The following PCDHGA2 variants were observed in gnomAD, a reference collection of about 807,000 sequenced individuals.
The protein encoded by PCDHGA2 is protocadherin gamma-A2.
A neutral mutation model predicts 59.2 loss-of-function variants in PCDHGA2; 40 were observed. The observed-to-expected ratio is 0.68, with a 90% CI of 0.52 to 0.88. The LOEUF is 0.88. Among genes scored for constraint, PCDHGA2 ranks in the 40% least tolerant of loss-of-function variants. PCDHGA2 has a pLI of 0.00. For missense variants in PCDHGA2, 1,226 were observed against 1,204.0 expected, an observed-to-expected ratio of 1.02 and a Z score of -0.27; for synonymous variants, 560 against 526.0, an observed-to-expected ratio of 1.06 and a Z score of -0.89.
In PCDHGA2 at chr5:141,476,516, G is replaced by T. The variant is rs1042414523; in HGVS notation, c.2425-18291G>T. 1 of 1,614,016 alleles carries T rather than the reference G, an allele frequency of 6.2e-7. No individual in the cohort carries two copies. The highest frequency in any genetic ancestry group is 8.5e-7 in the Non-Finnish European group (1 of 1,180,022). ...CCAGGACATCAACGACAACAATCCT[G>T]CTTTCCCTACCCAGGAAATGAAATT... On this transcript the variant is annotated intron_variant, in intron 1 of 3. Transcript: ENST00000394576. The surrounding 1 kb of genome is among the most constrained non-coding windows in gnomAD (Gnocchi z 7.6).
At chr5:141,421,370 A>G (rs765775416) in intron 1 of PCDHGA2, 4 of 1,613,916 alleles carry the variant, frequency 2.5e-6, no homozygotes, top group African/African-American at 1.3e-5. Flanking sequence ...TTCGTGGGCA[A>G]TATCTCCAAG....
intron 1 of PCDHGA2, chr5:141,350,032 T>C (rs556482258): frequency 2.8e-4 from 106 of 380,106 alleles, no homozygotes; most frequent in African/African-American, 2.0e-3. Flanking sequence ...CAAGACAACC[T>C]CTGGGCGCCG....
rs375228847 is a variant in PCDHGA2, at chr5:141,431,219, C to G, written c.2425-63588C>G. ...TGCAGCCACTGAGATGCGGTTCCCTCTACCCCACGCCTGGGATCCGGATAT... is the reference window on the plus strand; with the variant it reads ...TGCAGCCACTGAGATGCGGTTCCCTGTACCCCACGCCTGGGATCCGGATAT... On this transcript the variant is annotated intron_variant, in intron 1 of 3. Coordinates refer to ENST00000394576, the MANE Select transcript of PCDHGA2 (RefSeq NM_018915.4). This position sits in a 1 kb window ranked among gnomAD's most constrained non-coding sequence, Gnocchi z 4.8. 2.5e-6 allele frequency: 4 copies of G among 1,614,180 alleles called. No individual in the cohort carries two copies. The highest frequency in any genetic ancestry group is 1.6e-4 in the Middle Eastern group (1 of 6,062).
intron 1 of PCDHGA2, among the ~76,000 whole-genome samples, chr5:141,430,360 T>C (rs570966246): frequency 1.8e-4 from 27 of 151,522 alleles, no homozygotes; most frequent in Middle Eastern, 3.4e-3. Flanking sequence ...TAAAAGCTCA[T>C]TGGGGAAAAA....
intron 1 of PCDHGA2, among the ~76,000 whole-genome samples, chr5:141,437,036 G>A (rs916860661): frequency 6.6e-6 from 1 of 152,294 alleles, no homozygotes; most frequent in Middle Eastern, 3.4e-3. Flanking sequence ...ATGGATCACC[G>A]AAACCAGAAG....
In PCDHGA2 at chr5:141,512,237, G is replaced by A. The variant is rs2099884134; in HGVS notation, c.*1064G>A. ...AGGACCAGGTCCCCTTGAGAGGTCA[G>A]AGGGGCCTCTGTGGGTGCTGGGTAC... On this transcript the variant is annotated 3_prime_UTR_variant, in exon 4 of 4. Transcript: ENST00000394576. 1 of 152,774 alleles carries A rather than the reference G, an allele frequency of 6.5e-6. No homozygotes were observed. The highest frequency in any genetic ancestry group is 1.5e-5 in the Non-Finnish European group (1 of 68,148). The allele number at this position is 152,774 out of a possible 1,614,324, so 9.5% of individuals were successfully genotyped here.
At chr5:141,378,926 T>C (rs1342547905) in intron 1 of PCDHGA2, 1 of 152,216 alleles carries the variant, frequency 6.6e-6, no homozygotes, top group Non-Finnish European at 1.5e-5. Flanking sequence ...AAAAGTAAGT[T>C]GATGGCCCTG....
Position 141,431,677 on chromosome 5 carries a change from G to T in PCDHGA2, c.2425-63130G>T. The T allele has an allele frequency of 1.2e-6, 2 of 1,614,236 alleles. No homozygotes were observed. Among genetic ancestry groups the T allele is most frequent in the Non-Finnish European group, 1.7e-6 (2 of 1,180,050 alleles). ...CAGGGACAATATCAACAATAGGGGAGTTGGACCACGAGGAGTCAGGATTCT... is the reference window on the plus strand; with the variant it reads ...CAGGGACAATATCAACAATAGGGGATTTGGACCACGAGGAGTCAGGATTCT... On this transcript the variant is annotated intron_variant, in intron 1 of 3. Coordinates refer to ENST00000394576, the MANE Select transcript of PCDHGA2 (RefSeq NM_018915.4). The surrounding 1 kb of genome is among the most constrained non-coding windows in gnomAD (Gnocchi z 4.8).
chr5:141,430,889 A>G, intron 1 of PCDHGA2: 1 of 1,605,270 alleles, frequency 6.2e-7, no homozygotes, highest in African/African-American at 1.3e-5. Flanking sequence ...GAAAGGCTCT[A>G]GGGTGGGCGA....
intron 1 of PCDHGA2, chr5:141,404,243 C>A: frequency 6.2e-7 from 1 of 1,613,810 alleles, no homozygotes; most frequent in Non-Finnish European, 8.5e-7. Flanking sequence ...AGGAACTCCG[C>A]CCCTGTCCAC....
At position 141,489,297 on chromosome 5, in the gene PCDHGA2, G is replaced by A. The variant is rs184934961; in HGVS notation, c.2425-5510G>A. 5.1e-6 allele frequency: 8 copies of A among 1,583,774 alleles called. No homozygotes were observed. Among genetic ancestry groups the A allele is most frequent in the Non-Finnish European group, 6.9e-6 (8 of 1,164,904 alleles). ...GGAAATGGCAAGTGCTGTGCATGTT[G>A]TCCTTGTGCTGCTGGGGCTGGGTGT... is the stretch of plus-strand genomic sequence containing the variant. On this transcript the variant is annotated intron_variant, in intron 1 of 3. Coordinates refer to ENST00000394576, the MANE Select transcript of PCDHGA2 (RefSeq NM_018915.4). This position sits in a 1 kb window ranked among gnomAD's most constrained non-coding sequence, Gnocchi z 4.5.
At chr5:141,494,979 T>C in intron 2 of PCDHGA2, 114 bp downstream of exon 2, 1 of 1,571,464 alleles carries the variant, frequency 6.4e-7, no homozygotes, top group Admixed American at 1.8e-5. Flanking sequence ...TCCCTCAGTT[T>C]GAGATCCCAG....
At chr5:141,341,492 G>A (rs1388219092) in intron 1 of PCDHGA2, 97 bp downstream of exon 1, 3 of 1,561,526 alleles carry the variant, frequency 1.9e-6, no homozygotes, top group African/African-American at 2.7e-5. Flanking sequence ...ATTTCCTTGA[G>A]GGTAGAGTCA....
Position 141,418,518 on chromosome 5 carries a change from C to G in PCDHGA2, c.2425-76289C>G. Reference sequence around the variant, plus strand: ...CTGACCGCCTTAGATGGTGGGGACCCTCCCCGAAGCGGTACTGCTCAGATA... The same window carrying G: ...CTGACCGCCTTAGATGGTGGGGACCGTCCCCGAAGCGGTACTGCTCAGATA... On this transcript the variant is annotated intron_variant, in intron 1 of 3. Coordinates refer to ENST00000394576, the MANE Select transcript of PCDHGA2 (RefSeq NM_018915.4). The G allele has an allele frequency of 2.5e-6, 4 of 1,613,986 alleles. 1 individual carries two copies.
chr5:141,372,198 G>C lies in PCDHGA2; in HGVS notation c.2424+30803G>C, dbSNP rs776842752. The C allele has an allele frequency of 8.1e-6, 13 of 1,613,456 alleles. No individual in the cohort carries two copies. In the African/African-American group the frequency reaches 1.5e-4, roughly 18 times the overall value. On this transcript the variant is annotated intron_variant, in intron 1 of 3. Coordinates refer to ENST00000394576, the MANE Select transcript of PCDHGA2 (RefSeq NM_018915.4). ...GGTGGACGCAGACTCGGGATACAACGCCTGGCTGTCCTACCACATTGTGCA... is the reference window on the plus strand; with the variant it reads ...GGTGGACGCAGACTCGGGATACAACCCCTGGCTGTCCTACCACATTGTGCA...
intron 1 of PCDHGA2, among the ~76,000 whole-genome samples, chr5:141,359,855 T>TA (rs1343900120): frequency 6.6e-6 from 1 of 151,960 alleles, no homozygotes; most frequent in African/African-American, 2.4e-5. Flanking sequence ...CTTTATAAAT[T>TA]AAAAAAGAAA....
At chr5:141,369,987 G>T (rs1363490934) in intron 1 of PCDHGA2, among the ~76,000 whole-genome samples, 1 of 152,174 alleles carries the variant, frequency 6.6e-6, no homozygotes, top group Non-Finnish European at 1.5e-5. Context: ...GATTTGGATG[G>T]ATAAAGCTCA....
intron 1 of PCDHGA2, chr5:141,377,877 A>T (rs2150119118): frequency 6.6e-6 from 1 of 152,320 alleles, no homozygotes; most frequent in South Asian, 2.1e-4. Flanking sequence ...TTCTCTTATC[A>T]GAGATAGGAT....
intron 1 of PCDHGA2, chr5:141,384,717 C>A (rs575459465): frequency 6.8e-6 from 11 of 1,614,166 alleles, no homozygotes; most frequent in Non-Finnish European, 9.3e-6. Context: ...GGCTGTCATA[C>A]CTCCTGCTTA....
Sources: gnomAD v4.1 joint callset for allele counts (sites outside exome capture counted in the v4.1 genomes callset) on GRCh38, gnomAD v4.1.1 for gene constraint, Gnocchi (gnomAD v3.1) non-coding constraint, MANE v1.5 for transcripts, NCBI Gene and HGNC (gene_info 2026-07-23, HGNC 2026-07-21) for gene names.